The following RBFOX1 variants were observed in gnomAD, a reference collection of about 807,000 sequenced individuals.
The protein encoded by RBFOX1 is RNA binding fox-1 homolog 1.
A neutral mutation model predicts 57.7 loss-of-function variants in RBFOX1; 8 were observed. The ratio of observed to expected loss-of-function variants is 0.14; its 90% confidence interval spans 0.08 to 0.25. The LOEUF (loss-of-function observed/expected upper bound fraction) is 0.25, where lower values mean the gene tolerates loss of function less well. RBFOX1 is among the 10% of genes least tolerant of loss of function. RBFOX1 has a pLI of 1.00. For synonymous variants in RBFOX1, 326 were observed against 222.4 expected (o/e 1.47, Z -4.15); for missense variants, 611 against 548.5 (o/e 1.11, Z -1.14).
At chr16:6,809,485 A>G (rs563271678) in intron 3 of RBFOX1, among the ~76,000 whole-genome samples, 2 of 152,260 alleles carry the variant, frequency 1.3e-5, no homozygotes, top group Admixed American at 6.5e-5. Flanking sequence ...TATCTTCCTC[A>G]TCTACATTGA....
chr16:5,790,295 A>G (rs1161384178), intron 3 of RBFOX1, among the ~76,000 whole-genome samples: 1 of 152,172 alleles, frequency 6.6e-6, no homozygotes, highest in African/African-American at 2.4e-5. Flanking sequence ...CAGGAAGAAT[A>G]CAAGAATGAC....
At chr16:6,018,073 A>G (rs1196741320), upstream of RBFOX1, among the ~76,000 whole-genome samples, 1 of 152,134 alleles carries the variant, frequency 6.6e-6, no homozygotes, top group African/African-American at 2.4e-5. Context: ...CAGCTATGTG[A>G]CCTTGAACAA....
intron 2 of RBFOX1, among the ~76,000 whole-genome samples, chr16:6,587,737 T>G (rs1318966937): frequency 6.6e-6 from 1 of 152,222 alleles, no homozygotes; most frequent in Non-Finnish European, 1.5e-5. Context: ...ACCCTCTTTT[T>G]ACATACAAAC....
chr16:6,458,767 T>C (rs2094838032), intron 2 of RBFOX1, among the ~76,000 whole-genome samples: 2 of 152,216 alleles, frequency 1.3e-5, no homozygotes. Context: ...ATTACAGATA[T>C]ACGACAGAGT....
Position 7,392,057 on chromosome 16 carries a change from A to G in RBFOX1, c.28-126090A>G, listed in dbSNP as rs1388875544. 1.8e-4 allele frequency among the ~76,000 whole-genome samples: 27 copies of G among 152,278 alleles called. No individual in the cohort carries two copies. In the East Asian group the frequency reaches 4.6e-3, roughly 26 times the overall value. On this transcript the variant is annotated intron_variant, in intron 4 of 15. Transcript: ENST00000550418. Reference sequence around the variant, plus strand: ...CATGCTTTGCTCATTTGCCACCACAATACTTAAGCCAGGCCAGAATTATTT... The same window carrying G: ...CATGCTTTGCTCATTTGCCACCACAGTACTTAAGCCAGGCCAGAATTATTT...
rs567178532 is a variant in RBFOX1, at chr16:7,286,746, C to A, written c.28-231401C>A. On this transcript the variant is annotated intron_variant, in intron 4 of 15. Transcript: ENST00000550418. ...ACCCACCATTCTCCCGCCTCAGCCT[C>A]CCGAGTAGCTGGGACTACAGGTCCC... 4.0e-3 allele frequency among the ~76,000 whole-genome samples: 607 copies of A among 151,800 alleles called. 3 individuals carry two copies. Among genetic ancestry groups the A allele is most frequent in the African/African-American group, 0.014 (586 of 41,376 alleles).
At chr16:6,096,608 T>C (rs891414981) in intron 1 of RBFOX1, among the ~76,000 whole-genome samples, 8 of 152,184 alleles carry the variant, frequency 5.3e-5, no homozygotes, top group South Asian at 2.1e-4. Context: ...AGTTTTGGGA[T>C]TCTGTGAACC....
intron 4 of RBFOX1, among the ~76,000 whole-genome samples, chr16:7,476,564 C>T (rs2191384): frequency 1 from 151,982 of 152,338 alleles, 75,816 homozygotes; most frequent in Middle Eastern, 1. Context: ...GTCAGCTCTT[C>T]TGCAGACGTA....
intron 2 of RBFOX1, among the ~76,000 whole-genome samples, chr16:6,631,884 G>C (rs992142281): frequency 6.6e-6 from 1 of 152,116 alleles, no homozygotes; most frequent in African/African-American, 2.4e-5. Context: ...CTGTAAGAAG[G>C]TCATTGTAGC....
chr16:7,676,750 G>T (rs1416535403), intron 13 of RBFOX1, 24 bp from the exon 14 acceptor site: 1 of 1,603,854 alleles, frequency 6.2e-7, no homozygotes, highest in Non-Finnish European at 8.5e-7. Context: ...ACATTCCTGA[G>T]TCACATTTCT....
At chr16:5,657,587 C>T (rs192362050) in intron 3 of RBFOX1, among the ~76,000 whole-genome samples, 385 of 152,090 alleles carry the variant, frequency 2.5e-3, no homozygotes, top group Non-Finnish European at 4.4e-3. Context: ...GGTTTGAGGT[C>T]TGTAAATTCT....
chr16:5,968,475 T>C (rs1004654702), intron 4 of RBFOX1, among the ~76,000 whole-genome samples: 1 of 152,194 alleles, frequency 6.6e-6, no homozygotes, highest in African/African-American at 2.4e-5. Flanking sequence ...GTGACTTGTG[T>C]TGGATGTAGA....
intron 4 of RBFOX1, among the ~76,000 whole-genome samples, chr16:7,107,784 A>C (rs893948604): frequency 1.3e-5 from 2 of 152,130 alleles, no homozygotes; most frequent in African/African-American, 4.8e-5. Flanking sequence ...AAGTATTCTA[A>C]TCTTTTTTCC....
intron 3 of RBFOX1, among the ~76,000 whole-genome samples, chr16:6,855,722 C>A (rs1384561276): frequency 6.6e-6 from 1 of 151,824 alleles, no homozygotes; most frequent in South Asian, 2.1e-4. Context: ...ATTGCACTTC[C>A]TAGATTTATT....
chr16:5,679,917 G>A (rs780472589), intron 3 of RBFOX1, among the ~76,000 whole-genome samples: 9 of 152,156 alleles, frequency 5.9e-5, no homozygotes, highest in Non-Finnish European at 1.0e-4. Context: ...TGTTTAGTCT[G>A]TGTTCTATTC....
intron 2 of RBFOX1, among the ~76,000 whole-genome samples, chr16:5,590,394 A>T (rs910701069): frequency 1.3e-5 from 2 of 152,128 alleles, no homozygotes; most frequent in African/African-American, 4.8e-5. Context: ...ATTTACACAG[A>T]ATTTTCTAAG....
In RBFOX1 at chr16:7,258,026, G is replaced by A. The variant is rs1383950175; in HGVS notation, c.27+205928G>A. Among the ~76,000 whole-genome samples the A allele has an allele frequency of 1.1e-4, 17 of 152,184 alleles. 2 individuals are homozygous for A. The highest frequency in any genetic ancestry group is 1.1e-3 in the Admixed American group (17 of 15,284). On this transcript the variant is annotated intron_variant, in intron 4 of 15. Transcript: ENST00000550418. ...ACATTTGAGATGTTCAATGTAATCA[G>A]CACAACTGGTAGCTTTAGGCATTGA...
intron 1 of RBFOX1, among the ~76,000 whole-genome samples, chr16:6,182,412 G>C (rs1403920589): frequency 1.3e-5 from 2 of 152,118 alleles, no homozygotes; most frequent in Non-Finnish European, 2.9e-5. Context: ...TAAGATTAAT[G>C]TATGCATGTT....
intron 2 of RBFOX1, among the ~76,000 whole-genome samples, chr16:5,528,133 A>G (rs118179228): frequency 0.011 from 1,654 of 152,248 alleles, 12 homozygotes; most frequent in Non-Finnish European, 0.019. Context: ...GTGTCTGAAT[A>G]CTGTCTATAT....
Sources: gnomAD v4.1 joint callset for allele counts (sites outside exome capture counted in the v4.1 genomes callset) on GRCh38, gnomAD v4.1.1 for gene constraint, MANE v1.5 for transcripts, NCBI Gene and HGNC (gene_info 2026-07-23, HGNC 2026-07-21) for gene names.